SLC25A26: variants seen among roughly 807,000 people sequenced by gnomAD.
SLC25A26 encodes the protein solute carrier family 25 member 26.
In SLC25A26, 36 loss-of-function variants were observed where a neutral mutation model predicts 37.8. The ratio of observed to expected loss-of-function variants is 0.95; its 90% CI spans 0.73 to 1.26. The LOEUF is 1.26. Ranked by LOEUF, SLC25A26 falls within the 50% of genes most tolerant of loss-of-function variation. SLC25A26 has a pLI of 0.00. For synonymous variants in SLC25A26, 129 were observed against 122.5 expected (o/e 1.05, Z -0.35); for missense variants, 390 against 331.1 (o/e 1.18, Z -1.38).
At chr3:66,258,483 A>T (rs1465785532) in intron 3 of SLC25A26, among the ~76,000 whole-genome samples, 1 of 152,214 alleles carries the variant, frequency 6.6e-6, no homozygotes, top group Non-Finnish European at 1.5e-5. Flanking sequence ...TGGCACTTGC[A>T]TCTAAAAAAG....
At chr3:66,240,665 A>C (rs782457984) in intron 2 of SLC25A26, among the ~76,000 whole-genome samples, 1 of 151,774 alleles carries the variant, frequency 6.6e-6, no homozygotes, top group Non-Finnish European at 1.5e-5. Context: ...TTAACTTTTT[A>C]TATTTTATGT....
At chr3:66,184,895 C>T (rs2070796447) in intron 1 of SLC25A26, among the ~76,000 whole-genome samples, 2 of 152,158 alleles carry the variant, frequency 1.3e-5, no homozygotes, top group Non-Finnish European at 2.9e-5. Flanking sequence ...CTGACTCTCA[C>T]CAAGACTCTG....
intron 7 of SLC25A26, among the ~76,000 whole-genome samples, chr3:66,369,048 A>AC (rs1014709655): frequency 5.8e-5 from 2 of 34,558 alleles, no homozygotes; most frequent in African/African-American, 1.4e-4. Flanking sequence ...AAAAAACAAA[A>AC]ACAAAAAAAA....
At chr3:66,348,823 G>A (rs1175689272) in intron 6 of SLC25A26, among the ~76,000 whole-genome samples, 3 of 152,058 alleles carry the variant, frequency 2.0e-5, no homozygotes, top group Non-Finnish European at 4.4e-5. Context: ...TATGTGGTGC[G>A]TGGTGAAAAT....
At chr3:66,300,260 T>TG (rs200491243) in intron 5 of SLC25A26, among the ~76,000 whole-genome samples, 11 of 149,718 alleles carry the variant, frequency 7.3e-5, no homozygotes, top group African/African-American at 2.2e-4. Flanking sequence ...TGTTTTGTTT[T>TG]TTTTTTTTTT....
chr3:66,333,382 A>G (rs1303338350), intron 5 of SLC25A26, among the ~76,000 whole-genome samples: 1 of 152,062 alleles, frequency 6.6e-6, no homozygotes, highest in Non-Finnish European at 1.5e-5. Context: ...CTTCCAGACC[A>G]CAAATTTGGA....
Position 66,290,299 on chromosome 3 carries a change from C to T in SLC25A26, c.453+26920C>T, listed in dbSNP as rs545147377. On this transcript the variant is annotated intron_variant, in intron 5 of 9. Transcript: ENST00000354883. ...ACTTCCTCTCTTCCTATTTGAATAC[C>T]GTTTATTTGTTTCTCTTGCCTGATT... Among the ~76,000 whole-genome samples the T allele has an allele frequency of 3.7e-4, 56 of 152,198 alleles. No homozygotes were observed. The South Asian group carries it at 8.3e-3, about 23-fold the overall frequency.
At chr3:66,329,425 C>G (rs1204732843) in intron 5 of SLC25A26, among the ~76,000 whole-genome samples, 5 of 152,126 alleles carry the variant, frequency 3.3e-5, no homozygotes, top group Non-Finnish European at 7.3e-5. Flanking sequence ...TTGTTTACCC[C>G]AGGAGCAAGT....
intron 5 of SLC25A26, among the ~76,000 whole-genome samples, chr3:66,278,278 CAAGTT>C (rs2074223229): frequency 6.6e-6 from 1 of 151,976 alleles, no homozygotes; most frequent in Non-Finnish European, 1.5e-5. Flanking sequence ...AAAATAATGA[CAAGTT>C]AAATTTAAAA....
At position 66,375,287 on chromosome 3, in the gene SLC25A26, T is replaced by G. The variant is rs576400665; in HGVS notation, c.708-2403T>G. Among the ~76,000 whole-genome samples, 3 of 152,328 alleles carry G rather than the reference T, an allele frequency of 2.0e-5. No individual in the cohort carries two copies. The South Asian group carries it at 6.2e-4, about 32-fold the overall frequency. On this transcript the variant is annotated intron_variant, in intron 9 of 9. Transcript: ENST00000354883. ...TGTAACACAGAAGTGTAAGGTGAAG[T>G]GGCAAGTGCTGATGGAGAAGCTGCA...
At chr3:66,196,293 G>A (rs1027126861) in intron 1 of SLC25A26, among the ~76,000 whole-genome samples, 30 of 152,152 alleles carry the variant, frequency 2.0e-4, no homozygotes, top group Non-Finnish European at 3.5e-4. Context: ...TGCTGACTTC[G>A]CAGCTTCTGT....
intron 7 of SLC25A26, among the ~76,000 whole-genome samples, chr3:66,368,123 G>A (rs2076865524): frequency 6.6e-6 from 1 of 152,122 alleles, no homozygotes; most frequent in African/African-American, 2.4e-5. Flanking sequence ...TTAGATATTT[G>A]GCAGAGATCA....
intron 5 of SLC25A26, among the ~76,000 whole-genome samples, chr3:66,279,376 A>C (rs1172929531): frequency 6.6e-6 from 1 of 152,190 alleles, no homozygotes; most frequent in Non-Finnish European, 1.5e-5. Context: ...GTGGTCAGGC[A>C]GCCCAGGTTT....
chr3:66,227,489 A>G (rs146504910), intron 1 of SLC25A26, among the ~76,000 whole-genome samples: 7,116 of 152,184 alleles, frequency 0.047, 574 homozygotes, highest in African/African-American at 0.16. Flanking sequence ...TGTTAATTGT[A>G]TTGTGATTTG....
chr3:66,375,665 A>G (rs971347233), intron 9 of SLC25A26, among the ~76,000 whole-genome samples: 2 of 152,186 alleles, frequency 1.3e-5, no homozygotes, highest in African/African-American at 4.8e-5. Context: ...GAATATTTTA[A>G]GCCCACTGCT....
At chr3:66,224,180 A>G in intron 1 of SLC25A26, among the ~76,000 whole-genome samples, 1 of 152,266 alleles carries the variant, frequency 6.6e-6, no homozygotes, top group East Asian at 1.9e-4. Flanking sequence ...AAAAAAAGCC[A>G]GATTGAAATA....
chr3:66,276,923 G>C (rs2107408968), intron 5 of SLC25A26, among the ~76,000 whole-genome samples: 1 of 145,390 alleles, frequency 6.9e-6, no homozygotes, highest in Non-Finnish European at 1.5e-5. Context: ...AAAAACCTCA[G>C]CATGAACTTG....
At chr3:66,275,732 C>T (rs1559644785) in intron 5 of SLC25A26, among the ~76,000 whole-genome samples, 1 of 152,100 alleles carries the variant, frequency 6.6e-6, no homozygotes, top group Non-Finnish European at 1.5e-5. Flanking sequence ...ATCATATTTA[C>T]TGCTGTCTAC....
intron 3 of SLC25A26, among the ~76,000 whole-genome samples, chr3:66,255,962 T>G (rs1333754588): frequency 6.6e-6 from 1 of 152,180 alleles, no homozygotes; most frequent in Admixed American, 6.5e-5. Flanking sequence ...AAGTTTTTCT[T>G]CTGCATCTGT....
Sources: gnomAD v4.1 joint callset for allele counts (sites outside exome capture counted in the v4.1 genomes callset) on GRCh38, gnomAD v4.1.1 for gene constraint, MANE v1.5 for transcripts, NCBI Gene and HGNC (gene_info 2026-07-23, HGNC 2026-07-21) for gene names.